Variants in CLEC16A observed in about 807,000 individuals in gnomAD.
CLEC16A encodes protein CLEC16A.
CLEC16A carries 51 observed loss-of-function variants against 109.5 expected under a neutral mutation model. The ratio of observed to expected loss-of-function variants is 0.47; its 90% CI spans 0.37 to 0.59. The LOEUF (loss-of-function observed/expected upper bound fraction) is 0.59. Among genes scored for constraint, CLEC16A ranks in the 20% least tolerant of loss-of-function variants. The pLI is 0.00. For missense variants in CLEC16A, 1,339 were observed against 1,394.0 expected (o/e 0.96, Z 0.63); for synonymous variants, 673 against 564.2 (o/e 1.19, Z -2.73).
At chr16:11,145,859 G>T (rs187744424) in intron 22 of CLEC16A, among the ~76,000 whole-genome samples, 1 of 152,162 alleles carries the variant, frequency 6.6e-6, no homozygotes, top group South Asian at 2.1e-4. Flanking sequence ...TAGATTCTTC[G>T]CTGGCTCCCA....
rs929431389 is a variant in CLEC16A at position 11,178,201 on chromosome 16, G to C, written c.2807-134G>C. 1.8e-5 allele frequency: 13 copies of C among 731,460 alleles called. 1 individual carries two copies. Among genetic ancestry groups the C allele is most frequent in the Non-Finnish European group, 1.1e-5 (5 of 435,480 alleles). 45.3% of individuals were successfully genotyped at this position (731,460 alleles called of 1,614,324 possible). On this transcript the variant is annotated intron_variant, in intron 23 of 23. Transcript: ENST00000409790. This position sits in a 1 kb window ranked among gnomAD's most constrained non-coding sequence, Gnocchi z 6.5. ...CCCCAAAAGGAGTGAGTGGAGCCAC[G>C]CTGAGCCCTCACGCCAGCCAGCCAC...
intron 19 of CLEC16A, among the ~76,000 whole-genome samples, chr16:11,101,500 C>G (rs1197931728): frequency 1.3e-5 from 2 of 152,224 alleles, no homozygotes; most frequent in South Asian, 2.1e-4. Context: ...CTTGTTCATT[C>G]TGTTTTCTCC....
At chr16:10,998,623 G>A (rs8061307) in intron 10 of CLEC16A, among the ~76,000 whole-genome samples, 1 of 152,166 alleles carries the variant, frequency 6.6e-6, no homozygotes, top group Admixed American at 6.5e-5. Context: ...TAGCTCCTGA[G>A]AAAGTTTGGC....
At chr16:11,151,357 ATGCC>A (rs1461848495) in intron 22 of CLEC16A, among the ~76,000 whole-genome samples, 3 of 152,080 alleles carry the variant, frequency 2.0e-5, no homozygotes, top group Non-Finnish European at 4.4e-5. Context: ...GAGTAGGGGG[ATGCC>A]CACCTGGTCA....
At chr16:11,032,409 G>A (rs776630378) in intron 13 of CLEC16A, among the ~76,000 whole-genome samples, 5 of 152,212 alleles carry the variant, frequency 3.3e-5, no homozygotes, top group Admixed American at 6.5e-5. Flanking sequence ...TTCAGCCAGC[G>A]GGTGGGAGGG....
At chr16:11,025,359 G>A (rs763094987) in intron 13 of CLEC16A, among the ~76,000 whole-genome samples, 3 of 152,130 alleles carry the variant, frequency 2.0e-5, no homozygotes, top group Non-Finnish European at 4.4e-5. Flanking sequence ...GGTGGACTTG[G>A]TGGAAGCATA....
chr16:10,999,741 A>AT (rs928614631), intron 10 of CLEC16A, among the ~76,000 whole-genome samples: 27 of 149,584 alleles, frequency 1.8e-4, no homozygotes, highest in Admixed American at 2.7e-4. Flanking sequence ...CTTGCAGCTG[A>AT]TTTTTTTTTT....
intron 13 of CLEC16A, among the ~76,000 whole-genome samples, chr16:11,029,293 C>A (rs1033227911): frequency 1.3e-5 from 2 of 152,150 alleles, no homozygotes; most frequent in Non-Finnish European, 2.9e-5. Flanking sequence ...AGGAATTGTT[C>A]CACAGGCTTC....
At chr16:11,018,331 T>C (rs1401874772) in intron 11 of CLEC16A, among the ~76,000 whole-genome samples, 3 of 149,898 alleles carry the variant, frequency 2.0e-5, no homozygotes, top group Non-Finnish European at 3.0e-5. Context: ...TCCAGGAAGA[T>C]GTCTCCGTGG....
chr16:11,031,834 A>C (rs1161448444), intron 13 of CLEC16A, among the ~76,000 whole-genome samples: 1 of 152,240 alleles, frequency 6.6e-6, no homozygotes, highest in African/African-American at 2.4e-5. Context: ...CTGAGCAATC[A>C]GGAGAGGCCT....
chr16:11,089,298 G>A (rs1431752107), intron 19 of CLEC16A, among the ~76,000 whole-genome samples: 2 of 152,156 alleles, frequency 1.3e-5, no homozygotes, highest in African/African-American at 4.8e-5. Context: ...CCTGCGTCGG[G>A]ACATCAGGGT....
chr16:11,103,486 A>G (rs527486792), intron 19 of CLEC16A, among the ~76,000 whole-genome samples: 1 of 152,342 alleles, frequency 6.6e-6, no homozygotes, highest in East Asian at 1.9e-4. Context: ...TGGCTGACAC[A>G]GGGGAATCAC....
intron 3 of CLEC16A, among the ~76,000 whole-genome samples, chr16:10,965,719 A>G (rs2042468814): frequency 6.6e-6 from 1 of 152,234 alleles, no homozygotes; most frequent in Non-Finnish European, 1.5e-5. Context: ...GTTTATTAGA[A>G]AAGGATACCA....
rs59547466 is a variant in CLEC16A at position 10,986,012 on chromosome 16, A to ATTTTTTTTTTTTTTTTTTTT, written c.1071+3038_1071+3057dup. On this transcript the variant is annotated intron_variant, in intron 10 of 23. Coordinates refer to ENST00000409790, the MANE Select transcript of CLEC16A (RefSeq NM_015226.3). ...TGAGACACTGCACCTGGCCTGCAGA[A>ATTTTTTTTTTTTTTTTTTTT]TTTTTTTTTTTTTTTTTTTTTTTTT... Among the ~76,000 whole-genome samples the ATTTTTTTTTTTTTTTTTTTT allele has an allele frequency of 9.2e-5, 4 of 43,454 alleles. 1 individual carries two copies. The highest frequency in any genetic ancestry group is 4.5e-4 in the African/African-American group (4 of 8,822). The allele number at this position is 43,454 out of a possible 152,430, so 28.5% of individuals were successfully genotyped here.
At chr16:11,155,456 A>G (rs969792481) in intron 22 of CLEC16A, among the ~76,000 whole-genome samples, 3 of 152,246 alleles carry the variant, frequency 2.0e-5, no homozygotes, top group African/African-American at 7.2e-5. Flanking sequence ...TCTCCCCTGC[A>G]GATAGCAGAA....
intron 22 of CLEC16A, among the ~76,000 whole-genome samples, chr16:11,137,125 T>A (rs750317574): frequency 1.3e-5 from 2 of 152,170 alleles, no homozygotes; most frequent in Non-Finnish European, 2.9e-5. Context: ...GTGTCTCAAG[T>A]CTGTATCTAA....
At chr16:11,161,818 G>A (rs1216026359) in intron 22 of CLEC16A, among the ~76,000 whole-genome samples, 1 of 152,178 alleles carries the variant, frequency 6.6e-6, no homozygotes, top group Non-Finnish European at 1.5e-5. Context: ...AGCTCCCAAC[G>A]TGTCCATGGT....
intron 22 of CLEC16A, among the ~76,000 whole-genome samples, chr16:11,131,721 C>T (rs2053218653): frequency 6.6e-6 from 1 of 152,208 alleles, no homozygotes; most frequent in Admixed American, 6.5e-5. Flanking sequence ...GCTGCTCTCT[C>T]CTTAAAACCC....
At chr16:11,024,970 A>G (rs201497755) in intron 13 of CLEC16A, 49 bp downstream of exon 13, 6 of 1,270,950 alleles carry the variant, frequency 4.7e-6, no homozygotes, top group Non-Finnish European at 6.8e-6. Flanking sequence ...CTGCATACCC[A>G]TAGCATCCTT....
Sources: allele counts gnomAD v4.1 joint callset (sites outside exome capture counted in the v4.1 genomes callset), GRCh38; gene constraint gnomAD v4.1.1; non-coding constraint Gnocchi (gnomAD v3.1); transcripts MANE v1.5; gene names NCBI Gene and HGNC (gene_info 2026-07-23, HGNC 2026-07-21).